ZNF697: variants seen among roughly 807,000 people sequenced by gnomAD.
ZNF697 encodes zinc finger protein 697.
Under a neutral mutation model 32.4 loss-of-function variants are expected in ZNF697, and 23 were observed. The observed-to-expected ratio is 0.71, with a 90% confidence interval of 0.51 to 1.01. The LOEUF is 1.01. Among genes scored for constraint, ZNF697 ranks in the 50% least tolerant of loss-of-function variants. The pLI is 0.00. For missense variants in ZNF697, 930 were observed against 794.0 expected, an observed-to-expected ratio of 1.17 and a Z score of -2.06; for synonymous variants, 418 against 337.2, an observed-to-expected ratio of 1.24 and a Z score of -2.62.
intron 1 of ZNF697, among the ~76,000 whole-genome samples, chr1:119,638,382 T>C (rs1479580988): frequency 6.6e-6 from 1 of 152,246 alleles, no homozygotes; most frequent in East Asian, 1.9e-4. Flanking sequence ...ATCAGCTATG[T>C]ATTTCTACCT....
At chr1:119,638,890 G>A (rs966247184) in intron 1 of ZNF697, among the ~76,000 whole-genome samples, 14 of 152,188 alleles carry the variant, frequency 9.2e-5, no homozygotes, top group Admixed American at 9.2e-4. Flanking sequence ...GGAGTCAACA[G>A]CACGGGTTAA....
intron 1 of ZNF697, among the ~76,000 whole-genome samples, chr1:119,640,978 T>A (rs78954251): frequency 0.021 from 3,251 of 152,260 alleles, 107 homozygotes; most frequent in African/African-American, 0.076. Context: ...CTACATAGAA[T>A]CATCAGCCTA....
chr1:119,622,742 G>A lies in ZNF697; in HGVS notation c.1601C>T (p.Thr534Met). Residue 534 changes from threonine to methionine, a missense_variant, in exon 3 of 3, where the codon ACG (threonine) becomes ATG (methionine). Coordinates refer to ENST00000421812, the MANE Select transcript of ZNF697 (RefSeq NM_001080470.2). Reference protein sequence around the residue: ...AGCGKGFRYKTHLAQHQKLHL... With the variant: ...AGCGKGFRYKMHLAQHQKLHL... The stretch of plus-strand genomic sequence containing the variant: ...CAGCTTCTGGTGCTGCGCGAGGTGC[G>A]TTTTATAGCGGAAGCCTTTGCCGCA... 1 of 1,568,696 alleles carries A rather than the reference G, an allele frequency of 6.4e-7. No individual in the cohort carries two copies. The highest frequency in any genetic ancestry group is 8.6e-7 in the Non-Finnish European group (1 of 1,156,906).
At chr1:119,624,217 G>A in intron 2 of ZNF697, 101 bp from the exon 3 acceptor site, 1 of 1,375,608 alleles carries the variant, frequency 7.3e-7, no homozygotes, top group Non-Finnish European at 9.6e-7. Flanking sequence ...CCCTCCCTCA[G>A]GCACTCTGGA....
chr1:119,639,715 CA>C (rs779242670), intron 1 of ZNF697, among the ~76,000 whole-genome samples: 537 of 110,478 alleles, frequency 4.9e-3, no homozygotes, highest in African/African-American at 0.013. Context: ...CCTGTCTCTC[CA>C]AAAAAAAAAA....
Position 119,622,551 on chromosome 1 carries a change from T to C in ZNF697, c.*154A>G. ...CGGGAAAGACCAACTTACTCAACAC[T>C]CCTCCCACTTCAGGAAACCCCAAAC... On this transcript the variant is annotated 3_prime_UTR_variant, in exon 3 of 3. Coordinates refer to ENST00000421812, the MANE Select transcript of ZNF697 (RefSeq NM_001080470.2). The C allele has an allele frequency of 2.9e-6, 4 of 1,357,794 alleles. No homozygotes were observed. The highest frequency in any genetic ancestry group is 3.9e-6 in the Non-Finnish European group (4 of 1,034,234). 84.1% of individuals were successfully genotyped at this position (1,357,794 alleles called of 1,614,324 possible). A position where few individuals can be genotyped will look rare whatever the true frequency, so the allele number is the denominator to read the frequency against.
rs587700001 is a variant in ZNF697, at chr1:119,623,321, G to T, written c.1022C>A (p.Ala341Glu). 2 of 1,296,726 alleles carry T rather than the reference G, an allele frequency of 1.5e-6. No homozygotes were observed. The highest frequency in any genetic ancestry group is 3.4e-5 in the East Asian group (1 of 29,168). The allele number at this position is 1,296,726 out of a possible 1,614,324, so 80.3% of individuals were successfully genotyped here. Residue 341 changes from alanine to glutamate, a missense_variant, in exon 3 of 3, where the codon GCG becomes GAG. Physicochemically the swap from Ala to Glu is moderately radical, Grantham distance 107. Coordinates refer to ENST00000421812, the MANE Select transcript of ZNF697 (RefSeq NM_001080470.2). ...CGCCGCCGCCCCCGCGCCGCTGGCC[G>T]CCGCGTGCGCGCGCCGGTGGCTCAA... The part of the protein sequence containing the change: ...HLLSHRRAHA[A>E]ASGAGAAALR...
At position 119,641,561 on chromosome 1, in the gene ZNF697, G is replaced by A. The variant is rs114423847; in HGVS notation, c.-38+6130C>T. On this transcript the variant is annotated intron_variant, in intron 1 of 2. Transcript: ENST00000421812. ...AAGAAAATATGCAGATGGCAAATAG[G>A]CACATGAAAAGATTTTTAACACTGA... Among the ~76,000 whole-genome samples the A allele has an allele frequency of 1.9e-3, 293 of 152,214 alleles. 2 individuals carry two copies. The highest frequency in any genetic ancestry group is 6.6e-3 in the African/African-American group (273 of 41,546).
chr1:119,622,781 T>C lies in ZNF697; in HGVS notation c.1562A>G (p.His521Arg). 1 of 1,594,986 alleles carries C rather than the reference T, an allele frequency of 6.3e-7. No individual in the cohort carries two copies. The highest frequency in any genetic ancestry group is 1.1e-5 in the South Asian group (1 of 88,650). ...HRRIHTGNKP[H>R]KCAGCGKGFR... Reference sequence around the variant, plus strand: ...GCCTTTGCCGCAGCCCGCACACTTGTGCGGCTTGTTGCCCGTGTGGATGCG... The same window carrying C: ...GCCTTTGCCGCAGCCCGCACACTTGCGCGGCTTGTTGCCCGTGTGGATGCG... The change falls in exon 3 of 3, where the codon CAC becomes CGC. Residue 521 changes from histidine to arginine, a missense_variant. Transcript: ENST00000421812.
chr1:119,623,415 G>A lies in ZNF697; in HGVS notation c.928C>T (p.Leu310=). The change falls in exon 3 of 3, where the codon CTG becomes TTG. Residue 310 remains leucine, a synonymous_variant. Transcript: ENST00000421812. The part of the protein sequence containing the change: ...WRADLLKHRR[L]HTGEKPYPCP... ...GGGTAGGGCTTCTCGCCCGTGTGCA[G>A]GCGCCGGTGCTTGAGCAGGTCGGCG... 2.0e-6 allele frequency: 3 copies of A among 1,526,928 alleles called. No homozygotes were observed. Among genetic ancestry groups the A allele is most frequent in the East Asian group, 2.7e-5 (1 of 37,082 alleles). 94.6% of individuals were successfully genotyped at this position (1,526,928 alleles called of 1,614,324 possible).
intron 1 of ZNF697, among the ~76,000 whole-genome samples, chr1:119,632,779 T>C (rs1470650582): frequency 1.3e-5 from 2 of 152,222 alleles, no homozygotes; most frequent in African/African-American, 4.8e-5. Flanking sequence ...TTAGACTATC[T>C]GCCCTCAGCT....
rs151025189 is a variant in ZNF697, at chr1:119,648,220, G to C, written c.-567C>G. ...TGGCTGGTTGGCTGGCTGGCTGGCTGGCTGGCTGGCTGGCTCGCTGGCTGG... is the reference window on the plus strand; with the variant it reads ...TGGCTGGTTGGCTGGCTGGCTGGCTCGCTGGCTGGCTGGCTCGCTGGCTGG... On this transcript the variant is annotated 5_prime_UTR_variant, in exon 1 of 3. Coordinates refer to ENST00000421812, the MANE Select transcript of ZNF697 (RefSeq NM_001080470.2). Among the ~76,000 whole-genome samples the C allele has an allele frequency of 2.0e-5, 3 of 151,780 alleles. No individual in the cohort carries two copies. Among genetic ancestry groups the C allele is most frequent in the East Asian group, 1.9e-4 (1 of 5,146 alleles).
At chr1:119,639,039 T>C (rs1648998101) in intron 1 of ZNF697, among the ~76,000 whole-genome samples, 1 of 152,230 alleles carries the variant, frequency 6.6e-6, no homozygotes, top group Non-Finnish European at 1.5e-5. Context: ...AATTTCCATT[T>C]GTATTGTATC....
chr1:119,643,572 T>C (rs1317179695), intron 1 of ZNF697, among the ~76,000 whole-genome samples: 1 of 152,158 alleles, frequency 6.6e-6, no homozygotes, highest in Non-Finnish European at 1.5e-5. Flanking sequence ...GCCAAATCTA[T>C]ACCCCACACA....
At position 119,622,523 on chromosome 1, in the gene ZNF697, C is replaced by T; in HGVS notation, c.*182G>A. 2.6e-6 allele frequency: 3 copies of T among 1,170,370 alleles called. No homozygotes were observed. The highest frequency in any genetic ancestry group is 3.5e-6 in the Non-Finnish European group (3 of 868,398). The allele number at this position is 1,170,370 out of a possible 1,614,324, so 72.5% of individuals were successfully genotyped here. Reference sequence around the variant, plus strand: ...TTCCGTGGAGAGGAGGCAAGTATAGCACCGGGAAAGACCAACTTACTCAAC... The same window carrying T: ...TTCCGTGGAGAGGAGGCAAGTATAGTACCGGGAAAGACCAACTTACTCAAC... On this transcript the variant is annotated 3_prime_UTR_variant, in exon 3 of 3. Transcript: ENST00000421812.
Position 119,626,907 on chromosome 1 carries a change from A to G in ZNF697, c.-37-770T>C, listed in dbSNP as rs368344826. Among the ~76,000 whole-genome samples the G allele has an allele frequency of 4.3e-4, 66 of 152,358 alleles. No homozygotes were observed. The East Asian group carries it at 5.2e-3, about 12-fold the overall frequency. On this transcript the variant is annotated intron_variant, in intron 1 of 2. Coordinates refer to ENST00000421812, the MANE Select transcript of ZNF697 (RefSeq NM_001080470.2). ...ACATATTTTACAGTATCCGAATTGT[A>G]GAGAACCCTTAACAGGAACATACAC...
Position 119,622,779 on chromosome 1 carries a change from T to C in ZNF697, c.1564A>G (p.Lys522Glu), listed in dbSNP as rs1416880009. The C allele has an allele frequency of 6.3e-7, 1 of 1,594,480 alleles. No homozygotes were observed. ...AAGCCTTTGCCGCAGCCCGCACACT[T>C]GTGCGGCTTGTTGCCCGTGTGGATG... is the stretch of plus-strand genomic sequence containing the variant. ...RRIHTGNKPHKCAGCGKGFRY... is the reference protein window; with the variant it reads ...RRIHTGNKPHECAGCGKGFRY... Residue 522 changes from lysine (K) to glutamate (E), a missense_variant, in exon 3 of 3, where the codon AAG becomes GAG. Transcript: ENST00000421812.
chr1:119,622,313 T>G lies in ZNF697; in HGVS notation c.*392A>C. 5.5e-6 allele frequency: 1 copy of G among 181,524 alleles called. No individual in the cohort carries two copies. The highest frequency in any genetic ancestry group is 1.1e-5 in the Non-Finnish European group (1 of 87,542). The allele number at this position is 181,524 out of a possible 1,614,324, so 11.2% of individuals were successfully genotyped here. On this transcript the variant is annotated 3_prime_UTR_variant, in exon 3 of 3. Coordinates refer to ENST00000421812, the MANE Select transcript of ZNF697 (RefSeq NM_001080470.2). ...TTTTATTTCGCCCCATAACCCTCAT[T>G]TAAACCCTCTCCCCGCAACCTTCTA...
rs764157134 is a variant in ZNF697 at position 119,623,254 on chromosome 1, C to G, written c.1089G>C (p.Val363=). ...FACGECGKGF[V]RRSHLANHQR... ...GGTGGTTGGCCAGGTGCGAACGGCG[C>G]ACGAAGCCCTTGCCGCACTCCCCGC... The change falls in exon 3 of 3, where the codon GTG becomes GTC. Residue 363 remains valine (V), a synonymous_variant. Coordinates refer to ENST00000421812, the MANE Select transcript of ZNF697 (RefSeq NM_001080470.2). The G allele has an allele frequency of 6.5e-7, 1 of 1,548,518 alleles. No homozygotes were observed. Among genetic ancestry groups the G allele is most frequent in the Non-Finnish European group, 8.7e-7 (1 of 1,151,290 alleles).
Sources: gnomAD v4.1 joint callset for allele counts (sites outside exome capture counted in the v4.1 genomes callset) on GRCh38, gnomAD v4.1.1 for gene constraint, MANE v1.5 for transcripts, NCBI Gene and HGNC (gene_info 2026-07-23, HGNC 2026-07-21) for gene names.